RAI14: variants seen among roughly 807,000 people sequenced by gnomAD.
RAI14 encodes retinoic acid induced 14.
In RAI14, 45 loss-of-function variants were observed where a neutral mutation model predicts 115.4. The observed-to-expected ratio is 0.39, with a 90% CI of 0.31 to 0.50. The LOEUF is 0.50. RAI14 is among the 20% of genes least tolerant of loss of function. The pLI is 0.85. For missense variants in RAI14, 939 were observed against 1,131.2 expected (o/e 0.83, Z 2.44); for synonymous variants, 371 against 415.4 (o/e 0.89, Z 1.30).
At chr5:34,805,118 A>T (rs1442362007) in intron 5 of RAI14, among the ~76,000 whole-genome samples, 1 of 152,216 alleles carries the variant, frequency 6.6e-6, no homozygotes, top group Non-Finnish European at 1.5e-5. Flanking sequence ...AGGCCAAAGC[A>T]TGGTAAGTCG....
At chr5:34,787,074 C>T (rs1035711668) in intron 3 of RAI14, among the ~76,000 whole-genome samples, 3 of 152,210 alleles carry the variant, frequency 2.0e-5, no homozygotes, top group Admixed American at 2.0e-4. Flanking sequence ...GTTTTCCGCC[C>T]TGGGTAGGCC....
intron 3 of RAI14, among the ~76,000 whole-genome samples, chr5:34,785,436 A>G (rs1752177121): frequency 6.6e-6 from 1 of 152,082 alleles, no homozygotes; most frequent in Admixed American, 6.6e-5. Flanking sequence ...GTTGTAATAA[A>G]TCTCTTCCCA....
chr5:34,722,010 C>A (rs1387541150), intron 2 of RAI14, among the ~76,000 whole-genome samples: 1 of 152,238 alleles, frequency 6.6e-6, no homozygotes, highest in East Asian at 1.9e-4. Flanking sequence ...CTGTGCCTGG[C>A]CTTGGCTGGA....
intron 2 of RAI14, among the ~76,000 whole-genome samples, chr5:34,736,489 A>T (rs962699436): frequency 3.3e-5 from 5 of 152,148 alleles, no homozygotes; most frequent in African/African-American, 1.2e-4. Context: ...ATGCTTTGTA[A>T]AGCCGTTCAT....
At chr5:34,718,317 C>T (rs1331006952) in intron 2 of RAI14, among the ~76,000 whole-genome samples, 2 of 152,216 alleles carry the variant, frequency 1.3e-5, no homozygotes, top group African/African-American at 2.4e-5. Flanking sequence ...CCATAAGGTA[C>T]GTGGTTAGTG....
chr5:34,755,012 G>C (rs1747695261), intron 2 of RAI14, among the ~76,000 whole-genome samples: 1 of 151,828 alleles, frequency 6.6e-6, no homozygotes, highest in Non-Finnish European at 1.5e-5. Flanking sequence ...TTCAGTTTAG[G>C]TTAGAAAAGG....
At chr5:34,778,327 C>T (rs1278383180) in intron 3 of RAI14, among the ~76,000 whole-genome samples, 1 of 152,180 alleles carries the variant, frequency 6.6e-6, no homozygotes, top group African/African-American at 2.4e-5. Context: ...TAACATGCTC[C>T]TGTTCCCCAG....
chr5:34,823,936 A>G lies in RAI14; in HGVS notation c.2094A>G (p.Ala698=). 1 of 1,614,192 alleles carries G rather than the reference A, an allele frequency of 6.2e-7. No homozygotes were observed. ...TGTCCAGGGCTAAAGCAGAAGATGC[A>G]CTGTCTGAAATGAAGTCTCAGTATT... ...TNVSRAKAED[A]LSEMKSQYSK... Residue 698 remains alanine (A), a synonymous_variant, in exon 15 of 18, where the codon GCA becomes GCG. Coordinates refer to ENST00000265109, the MANE Select transcript of RAI14 (RefSeq NM_015577.3). The surrounding 1 kb of genome is among the most constrained non-coding windows in gnomAD (Gnocchi z 4.5).
intron 2 of RAI14, among the ~76,000 whole-genome samples, chr5:34,747,816 C>T (rs901244601): frequency 6.6e-6 from 1 of 152,228 alleles, no homozygotes; most frequent in Non-Finnish European, 1.5e-5. Context: ...CCCCTACCAT[C>T]CAGTGGGCAG....
chr5:34,817,049 G>T (rs1013322485), intron 12 of RAI14, among the ~76,000 whole-genome samples: 1 of 151,960 alleles, frequency 6.6e-6, no homozygotes, highest in Non-Finnish European at 1.5e-5. Context: ...AGGCCAAAGC[G>T]GGTGGATCAT....
At chr5:34,668,701 CTA>C (rs781303070) in intron 1 of RAI14, among the ~76,000 whole-genome samples, 3 of 151,826 alleles carry the variant, frequency 2.0e-5, no homozygotes, top group Admixed American at 6.6e-5. Context: ...GAAAAAAAAA[CTA>C]TTTAAAATAT....
At chr5:34,695,258 T>C (rs765427382) in intron 2 of RAI14, among the ~76,000 whole-genome samples, 3 of 152,168 alleles carry the variant, frequency 2.0e-5, no homozygotes, top group African/African-American at 4.8e-5. Flanking sequence ...TTCTGTGAGG[T>C]CCCAATGGGT....
intron 3 of RAI14, among the ~76,000 whole-genome samples, chr5:34,784,843 A>G (rs182351218): frequency 1.1e-3 from 167 of 152,340 alleles, no homozygotes; most frequent in African/African-American, 3.7e-3. Context: ...TAGAAAATAG[A>G]TTACTCATGG....
intron 2 of RAI14, among the ~76,000 whole-genome samples, chr5:34,689,465 C>G (rs370453750): frequency 6.0e-4 from 91 of 152,218 alleles, no homozygotes; most frequent in African/African-American, 2.0e-3. Context: ...TAAACTCGGA[C>G]CTAGGTTTGT....
chr5:34,819,789 G>A (rs1221503057), intron 13 of RAI14, among the ~76,000 whole-genome samples: 1 of 152,102 alleles, frequency 6.6e-6, no homozygotes, highest in African/African-American at 2.4e-5. Context: ...TTATTTTAGA[G>A]ATGGGGTCTT....
intron 1 of RAI14, among the ~76,000 whole-genome samples, chr5:34,682,269 G>A (rs1424889230): frequency 6.6e-6 from 1 of 151,876 alleles, no homozygotes; most frequent in South Asian, 2.1e-4. Flanking sequence ...TTCACCTCCT[G>A]AAAGTGTACA....
intron 2 of RAI14, among the ~76,000 whole-genome samples, chr5:34,746,759 A>G (rs1171468893): frequency 1.3e-5 from 2 of 152,114 alleles, no homozygotes. Context: ...AAGTTTAAAC[A>G]TCCTAAAAAG....
rs115542813 is a variant in RAI14 at position 34,778,012 on chromosome 5, G to A, written c.168-17927G>A. 2.3e-3 allele frequency among the ~76,000 whole-genome samples: 353 copies of A among 152,258 alleles called. 1 individual carries two copies. The highest frequency in any genetic ancestry group is 8.1e-3 in the African/African-American group (336 of 41,558). ...GTATGTAGAAGAGAGGACTTTAAAT[G>A]TTACCCATACATGGAAATGATAAAT... is the stretch of plus-strand genomic sequence containing the variant. On this transcript the variant is annotated intron_variant, in intron 3 of 17. Coordinates refer to ENST00000265109, the MANE Select transcript of RAI14 (RefSeq NM_015577.3).
intron 12 of RAI14, among the ~76,000 whole-genome samples, chr5:34,818,480 T>C (rs1031634589): frequency 3.3e-5 from 5 of 152,336 alleles, no homozygotes; most frequent in East Asian, 1.9e-4. Flanking sequence ...CATAACTCAC[T>C]AAATTAGCAA....
Sources: gnomAD v4.1 joint callset for allele counts (sites outside exome capture counted in the v4.1 genomes callset) on GRCh38, gnomAD v4.1.1 for gene constraint, Gnocchi (gnomAD v3.1) non-coding constraint, MANE v1.5 for transcripts, NCBI Gene and HGNC (gene_info 2026-07-23, HGNC 2026-07-21) for gene names.